The following PCDH15 variants were observed in gnomAD, a reference collection of about 807,000 sequenced individuals.
The protein encoded by PCDH15 is protocadherin-15.
Under a neutral mutation model 178.5 loss-of-function variants are expected in PCDH15, and 129 were observed. The ratio of observed to expected loss-of-function variants is 0.72; its 90% CI spans 0.63 to 0.84. PCDH15 has a LOEUF of 0.84. Among genes scored for constraint, PCDH15 ranks in the 40% least tolerant of loss-of-function variants. The pLI, the probability that PCDH15 is intolerant of heterozygous loss-of-function variation, is 0.00. For missense variants in PCDH15, 2,230 were observed against 2,099.9 expected (o/e 1.06, Z -1.21); for synonymous variants, 800 against 732.0 (o/e 1.09, Z -1.50).
chr10:53,978,666 T>G (rs1479388278), intron 21 of PCDH15, among the ~76,000 whole-genome samples: 1 of 151,966 alleles, frequency 6.6e-6, no homozygotes, highest in Non-Finnish European at 1.5e-5. Flanking sequence ...TGTTTTTTTT[T>G]TTTTTTTTCT....
chr10:53,822,312 G>T, intron 32 of PCDH15: 1 of 1,609,360 alleles, frequency 6.2e-7, no homozygotes, highest in Non-Finnish European at 8.5e-7. Context: ...TGGTGTTGGG[G>T]GACCAGACGT....
At chr10:55,507,770 C>A (rs1205835377) in intron 2 of PCDH15, among the ~76,000 whole-genome samples, 2 of 151,428 alleles carry the variant, frequency 1.3e-5, no homozygotes, top group Non-Finnish European at 3.0e-5. Flanking sequence ...AATACTAAAG[C>A]TTAGTCACAG....
chr10:53,948,467 A>G (rs2086754678), intron 23 of PCDH15, among the ~76,000 whole-genome samples: 1 of 151,960 alleles, frequency 6.6e-6, no homozygotes, highest in Non-Finnish European at 1.5e-5. Flanking sequence ...TGTGCATGTG[A>G]TTTTGGTTTA....
At chr10:55,109,609 G>A (rs1387109454) in intron 2 of PCDH15, among the ~76,000 whole-genome samples, 1 of 152,094 alleles carries the variant, frequency 6.6e-6, no homozygotes, top group Non-Finnish European at 1.5e-5. Context: ...AAAACAGTGA[G>A]GGGTTATAAG....
At chr10:54,664,569 C>T (rs2094541356) in intron 1 of PCDH15, among the ~76,000 whole-genome samples, 1 of 152,000 alleles carries the variant, frequency 6.6e-6, no homozygotes, top group Admixed American at 6.6e-5. Context: ...CAGAAGCACA[C>T]TCTTTAAAAT....
intron 2 of PCDH15, among the ~76,000 whole-genome samples, chr10:54,617,069 T>C (rs530745341): frequency 6.5e-3 from 281 of 43,202 alleles, no homozygotes; most frequent in Middle Eastern, 0.015. Context: ...TATTTATTTA[T>C]TTTTTTAAGT....
intron 2 of PCDH15, among the ~76,000 whole-genome samples, chr10:55,415,567 C>T (rs994949948): frequency 1.3e-5 from 2 of 151,620 alleles, no homozygotes; most frequent in East Asian, 1.9e-4. Flanking sequence ...AAACAAGGGT[C>T]ACCAATTGTA....
chr10:55,551,167 G>A (rs1445481318), intron 2 of PCDH15, among the ~76,000 whole-genome samples: 3 of 151,940 alleles, frequency 2.0e-5, no homozygotes, highest in Non-Finnish European at 4.4e-5. Flanking sequence ...TCACTGCAGG[G>A]TAAAATATCA....
upstream of PCDH15, among the ~76,000 whole-genome samples, chr10:54,804,927 T>TTTTATA (rs536235796): frequency 5.9e-5 from 3 of 50,848 alleles, no homozygotes; most frequent in African/African-American, 6.5e-5. Context: ...TCATAGTAGA[T>TTTTATA]TATATATATA....
intron 2 of PCDH15, among the ~76,000 whole-genome samples, chr10:55,488,110 G>T (rs1251726203): frequency 1.3e-5 from 2 of 151,552 alleles, no homozygotes; most frequent in African/African-American, 2.4e-5. Flanking sequence ...TTTATGCTTA[G>T]ATTTTAAATA....
chr10:54,378,805 T>C lies in PCDH15; in HGVS notation c.295A>G (p.Thr99Ala). 1 of 1,613,836 alleles carries C rather than the reference T, an allele frequency of 6.2e-7. No homozygotes were observed. ...PVKQMLFLNS[T>A]GRVLDRDPPM... ...ACATCTCTATCCAGAACTCTTCCGGTGCTGTTCAGGAAAAGCATTTGCTTA... is the reference window on the plus strand; with the variant it reads ...ACATCTCTATCCAGAACTCTTCCGGCGCTGTTCAGGAAAAGCATTTGCTTA... Residue 99 changes from threonine (T) to alanine (A), a missense_variant, in exon 4 of 38, where the codon ACC becomes GCC. Coordinates refer to ENST00000644397, the MANE Select transcript of PCDH15 (RefSeq NM_001384140.1).
chr10:55,182,747 G>A (rs894126334), intron 1 of PCDH15, among the ~76,000 whole-genome samples: 1 of 151,944 alleles, frequency 6.6e-6, no homozygotes, highest in African/African-American at 2.4e-5. Context: ...AAAACAGGAG[G>A]AAAACTGTGG....
chr10:54,389,902 C>T lies in PCDH15; in HGVS notation c.158-10960G>A, dbSNP rs187209682. ...AGGAGGCAGAGGTTGCAGATCGTGC[C>T]ATTGCACTCCAGCCTGGGCGACAGA... On this transcript the variant is annotated intron_variant, in intron 3 of 37. Transcript: ENST00000644397. Among the ~76,000 whole-genome samples the T allele has an allele frequency of 3.3e-5, 5 of 152,136 alleles. No individual in the cohort carries two copies. The East Asian group carries it at 9.7e-4, about 29-fold the overall frequency.
chr10:54,213,708 A>G (rs2051693772), intron 10 of PCDH15, among the ~76,000 whole-genome samples: 1 of 152,168 alleles, frequency 6.6e-6, no homozygotes, highest in African/African-American at 2.4e-5. Context: ...GTTACATATA[A>G]GAATATTTAG....
chr10:53,809,672 TAAGAA>T, intron 37 of PCDH15: 1 of 904,602 alleles, frequency 1.1e-6, no homozygotes, highest in Non-Finnish European at 1.7e-6. Flanking sequence ...ATAACTGGCT[TAAGAA>T]AATAATCACA....
intron 8 of PCDH15, among the ~76,000 whole-genome samples, chr10:54,273,656 C>T (rs1465087826): frequency 2.0e-5 from 3 of 152,020 alleles, no homozygotes; most frequent in African/African-American, 7.2e-5. Flanking sequence ...AAACATATAT[C>T]CTTCCAAAAG....
intron 21 of PCDH15, among the ~76,000 whole-genome samples, chr10:53,992,254 C>T (rs983059655): frequency 2.0e-5 from 3 of 152,140 alleles, no homozygotes; most frequent in South Asian, 2.1e-4. Context: ...AAGGAAGAAA[C>T]TCCAAACACG....
intron 13 of PCDH15, among the ~76,000 whole-genome samples, chr10:54,161,506 G>A: frequency 6.6e-6 from 1 of 152,068 alleles, no homozygotes; most frequent in South Asian, 2.1e-4. Flanking sequence ...TTGCACAACT[G>A]TCTAAATTTA....
intron 6 of PCDH15, among the ~76,000 whole-genome samples, chr10:54,345,415 C>T (rs528314134): frequency 7.9e-5 from 12 of 151,968 alleles, no homozygotes; most frequent in Non-Finnish European, 1.8e-4. Context: ...AAAAGAGATG[C>T]ATTCAATTTG....
Sources: allele counts gnomAD v4.1 joint callset (sites outside exome capture counted in the v4.1 genomes callset), GRCh38; gene constraint gnomAD v4.1.1; transcripts MANE v1.5; gene names NCBI Gene and HGNC (gene_info 2026-07-23, HGNC 2026-07-21).